CFAP20DC: variants seen among roughly 807,000 people sequenced by gnomAD.
CFAP20DC encodes CFAP20 domain containing, also known as protein CFAP20DC.
In CFAP20DC, 84 loss-of-function variants were observed where a neutral mutation model predicts 101.7. The ratio of observed to expected loss-of-function variants is 0.83; its 90% CI spans 0.69 to 0.99. The LOEUF (loss-of-function observed/expected upper bound fraction) is 0.99, where lower values mean the gene tolerates loss of function less well. CFAP20DC is among the 50% of genes least tolerant of loss of function. The probability of loss-of-function intolerance (pLI) is 0.00; values close to 1 mark genes in which losing one functional copy is unlikely to be tolerated. For synonymous variants in CFAP20DC, 359 were observed against 351.2 expected, an observed-to-expected ratio of 1.02 and a Z score of -0.25; for missense variants, 1,007 against 970.3, an observed-to-expected ratio of 1.04 and a Z score of -0.50.
At chr3:59,029,204 G>A (rs2093945626) in intron 4 of CFAP20DC, among the ~76,000 whole-genome samples, 1 of 152,056 alleles carries the variant, frequency 6.6e-6, no homozygotes, top group South Asian at 2.1e-4. Flanking sequence ...CCTATTACGT[G>A]TCATGCCTTG....
At chr3:58,922,436 G>T (rs962937791) in intron 5 of CFAP20DC, among the ~76,000 whole-genome samples, 1 of 152,166 alleles carries the variant, frequency 6.6e-6, no homozygotes, top group African/African-American at 2.4e-5. Flanking sequence ...GGGCCTGGTG[G>T]GGGTGTTTGG....
In CFAP20DC at chr3:59,046,289, C is replaced by A; in HGVS notation, c.145G>T (p.Val49Phe). The A allele has an allele frequency of 1.3e-6, 2 of 1,531,242 alleles. No individual in the cohort carries two copies. The highest frequency in any genetic ancestry group is 2.8e-5 in the African/African-American group (2 of 72,718). The allele number at this position is 1,531,242 out of a possible 1,614,324, so 94.9% of individuals were successfully genotyped here. A position where few individuals can be genotyped will look rare whatever the true frequency, so the allele number is the denominator to read the frequency against. The change falls in exon 3 of 17, where the codon GTC (valine) becomes TTC (phenylalanine). Residue 49 changes from valine to phenylalanine, a missense_variant. Transcript: ENST00000482387. ...FDKEVKSFVF[V>F]LEGSSQTNKI... ...TTTGTTTGGCTGCTGCCTTCCAGGA[C>A]AAACACAAAACTTTTAACTTCTTTA...
intron 3 of CFAP20DC, among the ~76,000 whole-genome samples, chr3:58,719,593 A>G (rs2067442237): frequency 6.6e-6 from 1 of 152,238 alleles, no homozygotes; most frequent in Non-Finnish European, 1.5e-5. Flanking sequence ...TTGATAAGAC[A>G]GAGTCTCACC....
At chr3:58,853,046 C>T (rs1258016552) in intron 12 of CFAP20DC, among the ~76,000 whole-genome samples, 1 of 152,192 alleles carries the variant, frequency 6.6e-6, no homozygotes, top group East Asian at 1.9e-4. Context: ...AATCCAGGAG[C>T]TGGTTTTTTG....
intron 15 of CFAP20DC, among the ~76,000 whole-genome samples, chr3:58,781,765 C>T (rs2071850081): frequency 6.6e-6 from 1 of 151,968 alleles, no homozygotes; most frequent in African/African-American, 2.4e-5. Flanking sequence ...AGAACAATAA[C>T]AAGTTATGAG....
intron 4 of CFAP20DC, among the ~76,000 whole-genome samples, chr3:58,974,938 C>G (rs2108419836): frequency 6.6e-6 from 1 of 152,294 alleles, no homozygotes; most frequent in South Asian, 2.1e-4. Context: ...CCGAATAAAA[C>G]CCCATGTCTC....
intron 4 of CFAP20DC, among the ~76,000 whole-genome samples, chr3:59,000,394 C>T (rs1041292946): frequency 1.3e-5 from 2 of 152,126 alleles, no homozygotes; most frequent in South Asian, 2.1e-4. Flanking sequence ...CTTTAGCAGT[C>T]GAATCTAGCT....
rs761560449 is a variant in CFAP20DC at position 58,937,723 on chromosome 3, T to G, written c.318A>C (p.Leu106Phe). The G allele has an allele frequency of 6.2e-7, 1 of 1,611,484 alleles. No homozygotes were observed. The highest frequency in any genetic ancestry group is 8.5e-7 in the Non-Finnish European group (1 of 1,177,730). ...AGGATAGTTCCTTATGGACCGTTGA[T>G]AAATATAATCTTCTTTTGATGTTCC... ...DLGNIKRRLY[L>F]STVHKELSST... Residue 106 changes from leucine (L) to phenylalanine (F), a missense_variant, in exon 5 of 17, where the codon TTA (leucine) becomes TTC (phenylalanine). By Grantham distance (22) the Leu-to-Phe change is conservative. Coordinates refer to ENST00000482387, the MANE Select transcript of CFAP20DC (RefSeq NM_001394063.1).
chr3:58,753,059 T>TGAG (rs2068686901), intron 16 of CFAP20DC, among the ~76,000 whole-genome samples: 1 of 152,146 alleles, frequency 6.6e-6, no homozygotes, highest in Admixed American at 6.6e-5. Flanking sequence ...AGAGATTCTC[T>TGAG]TATGTTCCTC....
chr3:59,041,268 C>T (rs1373502076), intron 3 of CFAP20DC, among the ~76,000 whole-genome samples: 2 of 152,048 alleles, frequency 1.3e-5, no homozygotes, highest in Admixed American at 6.6e-5. Context: ...ACACATAGGG[C>T]ATTTTTATAT....
chr3:58,786,857 A>C (rs976596076), intron 15 of CFAP20DC, among the ~76,000 whole-genome samples: 1 of 151,912 alleles, frequency 6.6e-6, no homozygotes, highest in African/African-American at 2.4e-5. Context: ...GTATATTACT[A>C]TAATTGTTCT....
chr3:58,774,929 C>T (rs1470274165), intron 15 of CFAP20DC, among the ~76,000 whole-genome samples: 2 of 152,134 alleles, frequency 1.3e-5, no homozygotes, highest in Non-Finnish European at 2.9e-5. Context: ...GGTAAAGATC[C>T]ATTCTCTTTT....
intron 12 of CFAP20DC, chr3:58,862,118 A>G: frequency 8.5e-6 from 8 of 941,432 alleles, no homozygotes; most frequent in Non-Finnish European, 1.0e-5. Flanking sequence ...GATTATCCAT[A>G]ATACTTCTCT....
At chr3:58,888,893 T>C (rs1458440262) in intron 6 of CFAP20DC, among the ~76,000 whole-genome samples, 1 of 152,214 alleles carries the variant, frequency 6.6e-6, no homozygotes, top group African/African-American at 2.4e-5. Context: ...ATCACCACGC[T>C]GTCTTCCATG....
chr3:58,817,120 C>A (rs1362067100), intron 14 of CFAP20DC, among the ~76,000 whole-genome samples: 2 of 151,836 alleles, frequency 1.3e-5, no homozygotes, highest in African/African-American at 4.8e-5. Flanking sequence ...AAAGGACATC[C>A]ACACCGAAAA....
chr3:58,743,744 T>G (rs1246872773), intron 16 of CFAP20DC, among the ~76,000 whole-genome samples: 1 of 152,114 alleles, frequency 6.6e-6, no homozygotes, highest in Non-Finnish European at 1.5e-5. Flanking sequence ...GGTTGTGGGG[T>G]TCCATCTTAC....
chr3:58,748,911 C>T (rs2068380405), intron 16 of CFAP20DC, among the ~76,000 whole-genome samples: 1 of 152,154 alleles, frequency 6.6e-6, no homozygotes, highest in African/African-American at 2.4e-5. Context: ...CCCCTTACCT[C>T]ATCTGTAAAG....
chr3:58,948,568 G>A (rs2089669405), intron 4 of CFAP20DC, among the ~76,000 whole-genome samples: 1 of 152,152 alleles, frequency 6.6e-6, no homozygotes, highest in African/African-American at 2.4e-5. Flanking sequence ...TCACTTGGTA[G>A]TAATGTTCTA....
intron 13 of CFAP20DC, among the ~76,000 whole-genome samples, chr3:58,843,143 A>G (rs2077298431): frequency 6.6e-6 from 1 of 152,230 alleles, no homozygotes; most frequent in Non-Finnish European, 1.5e-5. Context: ...CTCACCAGCA[A>G]CGGAATAAAG....
Sources: gnomAD v4.1 joint callset for allele counts (sites outside exome capture counted in the v4.1 genomes callset) on GRCh38, gnomAD v4.1.1 for gene constraint, MANE v1.5 for transcripts, NCBI Gene and HGNC (gene_info 2026-07-23, HGNC 2026-07-21) for gene names.